SLC4A10: variants seen among roughly 807,000 people sequenced by gnomAD.
SLC4A10 encodes sodium-driven chloride bicarbonate exchanger.
In SLC4A10, 42 loss-of-function variants were observed where a neutral mutation model predicts 137.7. The ratio of observed to expected loss-of-function variants is 0.30; its 90% CI spans 0.24 to 0.39. The LOEUF is 0.39. SLC4A10 is among the 10% of genes least tolerant of loss of function. SLC4A10 has a pLI of 1.00. For missense variants in SLC4A10, 925 were observed against 1,355.0 expected, an observed-to-expected ratio of 0.68 and a Z score of 4.98; for synonymous variants, 474 against 464.1, an observed-to-expected ratio of 1.02 and a Z score of -0.27.
In SLC4A10 at chr2:161,642,959, T is replaced by C. The variant is rs775028813; in HGVS notation, c.48+18393T>C. ...TCTCCAGTTCAGGTTAGAATATTAATGCTTTTGAGCTATTGAAATCTTCTA... is the reference window on the plus strand; with the variant it reads ...TCTCCAGTTCAGGTTAGAATATTAACGCTTTTGAGCTATTGAAATCTTCTA... On this transcript the variant is annotated intron_variant, in intron 1 of 26. Coordinates refer to ENST00000446997, the MANE Select transcript of SLC4A10 (RefSeq NM_001178015.2). 7.1e-4 allele frequency among the ~76,000 whole-genome samples: 108 copies of C among 152,122 alleles called. 1 individual carries two copies. Among genetic ancestry groups the C allele is most frequent in the Non-Finnish European group, 9.3e-4 (63 of 67,842 alleles).
chr2:161,815,596 C>T (rs2056981029), intron 3 of SLC4A10, among the ~76,000 whole-genome samples: 1 of 152,072 alleles, frequency 6.6e-6, no homozygotes, highest in South Asian at 2.1e-4. Flanking sequence ...TGCTCTAGAA[C>T]ATTGCTTATC....
At chr2:161,832,396 T>C (rs954956088) in intron 3 of SLC4A10, among the ~76,000 whole-genome samples, 1 of 152,184 alleles carries the variant, frequency 6.6e-6, no homozygotes, top group Non-Finnish European at 1.5e-5. Flanking sequence ...GACAGAGACA[T>C]GGCTTTTGGA....
intron 2 of SLC4A10, among the ~76,000 whole-genome samples, chr2:161,771,411 G>C (rs965889381): frequency 2.6e-5 from 4 of 151,828 alleles, no homozygotes; most frequent in African/African-American, 4.8e-5. Flanking sequence ...TAGGACAGGA[G>C]GGGGAGGGGC....
intron 4 of SLC4A10, among the ~76,000 whole-genome samples, chr2:161,846,374 T>C (rs2059494858): frequency 1.3e-5 from 2 of 152,152 alleles, no homozygotes. Context: ...ATTGCTGGTG[T>C]GAATGTAAAA....
chr2:161,957,351 A>G, intron 20 of SLC4A10, 111 bp downstream of exon 20: 4 of 1,209,504 alleles, frequency 3.3e-6, no homozygotes, highest in Middle Eastern at 2.8e-4. Flanking sequence ...GCATGTGATG[A>G]AAGTGATGAA....
intron 1 of SLC4A10, among the ~76,000 whole-genome samples, chr2:161,743,141 T>G (rs1038858422): frequency 6.6e-6 from 1 of 152,214 alleles, no homozygotes; most frequent in Admixed American, 6.5e-5. Flanking sequence ...ATTTGTGTAT[T>G]ACCTGTTTTG....
rs2044787129 is a variant in SLC4A10, at chr2:161,715,711, T to C, written c.49-55262T>C. Among the ~76,000 whole-genome samples the C allele has an allele frequency of 2.0e-5, 3 of 152,162 alleles. 1 individual carries two copies. The highest frequency in any genetic ancestry group is 4.1e-4 in the South Asian group (2 of 4,828). On this transcript the variant is annotated intron_variant, in intron 1 of 26. Transcript: ENST00000446997. ...GCCACATAGTATTCCAGGGTGTCTA[T>C]GTACCACATTTTCTTTATCCAGCCT...
At chr2:161,943,382 A>G (rs975391610) in intron 16 of SLC4A10, among the ~76,000 whole-genome samples, 1 of 152,030 alleles carries the variant, frequency 6.6e-6, no homozygotes, top group African/African-American at 2.4e-5. Context: ...CTCCCTCAAC[A>G]AGATCTTTCT....
chr2:161,630,826 AGG>A (rs2033406559), intron 1 of SLC4A10, among the ~76,000 whole-genome samples: 1 of 151,782 alleles, frequency 6.6e-6, no homozygotes, highest in Non-Finnish European at 1.5e-5. Context: ...TGAGAAACTG[AGG>A]TCCAGAGATT....
At chr2:161,681,797 C>T (rs1453423530) in intron 1 of SLC4A10, among the ~76,000 whole-genome samples, 1 of 152,038 alleles carries the variant, frequency 6.6e-6, no homozygotes. Context: ...CGTTTGCCTT[C>T]CTGGAATGAA....
At chr2:161,831,623 C>T (rs2058440293) in intron 3 of SLC4A10, among the ~76,000 whole-genome samples, 1 of 151,750 alleles carries the variant, frequency 6.6e-6, no homozygotes. Context: ...CTTTTTAAGA[C>T]CTAGTAAAGA....
chr2:161,785,908 A>G (rs1434548107), intron 2 of SLC4A10, among the ~76,000 whole-genome samples: 1 of 151,900 alleles, frequency 6.6e-6, no homozygotes, highest in Non-Finnish European at 1.5e-5. Flanking sequence ...CGTTGAATGG[A>G]ATGTTCAGTA....
chr2:161,835,125 C>T (rs189275066), intron 3 of SLC4A10, among the ~76,000 whole-genome samples: 3 of 151,620 alleles, frequency 2.0e-5, no homozygotes, highest in Admixed American at 1.3e-4. Context: ...GCAACCCCCA[C>T]CTGCTGGGTT....
At chr2:161,867,132 T>C (rs969710284) in intron 6 of SLC4A10, among the ~76,000 whole-genome samples, 5 of 151,944 alleles carry the variant, frequency 3.3e-5, no homozygotes, top group Non-Finnish European at 7.4e-5. Flanking sequence ...GTTCACTCTT[T>C]AGGCCTGGGT....
chr2:161,717,846 G>C (rs1469672088), intron 1 of SLC4A10, among the ~76,000 whole-genome samples: 1 of 152,126 alleles, frequency 6.6e-6, no homozygotes, highest in Non-Finnish European at 1.5e-5. Context: ...CCAATTGTTT[G>C]GAATAGTTTC....
chr2:161,942,085 T>C (rs1284003452), intron 15 of SLC4A10, among the ~76,000 whole-genome samples: 1 of 152,192 alleles, frequency 6.6e-6, no homozygotes, highest in Non-Finnish European at 1.5e-5. Flanking sequence ...TACGATATTT[T>C]CTATAGTAAT....
chr2:161,872,744 C>G (rs920928121), intron 7 of SLC4A10, among the ~76,000 whole-genome samples: 1 of 152,150 alleles, frequency 6.6e-6, no homozygotes, highest in Admixed American at 6.5e-5. Flanking sequence ...GGCAGAGTCT[C>G]GCTCTGTCAC....
intron 1 of SLC4A10, among the ~76,000 whole-genome samples, chr2:161,746,190 C>T (rs1029088250): frequency 6.6e-6 from 1 of 151,974 alleles, no homozygotes; most frequent in Non-Finnish European, 1.5e-5. Flanking sequence ...TCCCTTCTGA[C>T]CCATGGTGGA....
intron 1 of SLC4A10, among the ~76,000 whole-genome samples, chr2:161,647,684 T>G (rs1197898580): frequency 3.3e-5 from 5 of 152,328 alleles, no homozygotes; most frequent in Admixed American, 3.3e-4. Flanking sequence ...ACCATAAAAG[T>G]ATTAGCATGA....
Sources: allele counts gnomAD v4.1 joint callset (sites outside exome capture counted in the v4.1 genomes callset), GRCh38; gene constraint gnomAD v4.1.1; transcripts MANE v1.5; gene names NCBI Gene and HGNC (gene_info 2026-07-23, HGNC 2026-07-21).